UNC5C: variants seen among roughly 807,000 people sequenced by gnomAD.
UNC5C encodes unc-5 netrin receptor C.
UNC5C carries 47 observed loss-of-function variants against 99.8 expected under a neutral mutation model. That is an observed-to-expected ratio of 0.47 (90% confidence interval 0.37 to 0.60). UNC5C has a LOEUF of 0.60. UNC5C is among the 20% of genes least tolerant of loss of function. The pLI, the probability that UNC5C is intolerant of heterozygous loss-of-function variation, is 0.00. For synonymous variants in UNC5C, 487 were observed against 452.2 expected (o/e 1.08, Z -0.98); for missense variants, 1,062 against 1,165.9 (o/e 0.91, Z 1.30).
At chr4:95,293,956 A>T (rs947274875) in intron 3 of UNC5C, among the ~76,000 whole-genome samples, 2 of 152,196 alleles carry the variant, frequency 1.3e-5, no homozygotes, top group African/African-American at 4.8e-5. Context: ...GTCCAATGCA[A>T]ACCACATGAG....
intron 1 of UNC5C, among the ~76,000 whole-genome samples, chr4:95,444,593 A>T (rs564057096): frequency 6.6e-6 from 1 of 152,236 alleles, no homozygotes; most frequent in African/African-American, 2.4e-5. Flanking sequence ...AACCTCCCAA[A>T]GTGCTGGGAT....
At chr4:95,469,812 G>T (rs1176046815) in intron 1 of UNC5C, among the ~76,000 whole-genome samples, 1 of 152,032 alleles carries the variant, frequency 6.6e-6, no homozygotes, top group African/African-American at 2.4e-5. Flanking sequence ...ATAAACATGT[G>T]GGAACCCAGA....
intron 1 of UNC5C, among the ~76,000 whole-genome samples, chr4:95,492,910 C>T (rs1721539010): frequency 6.6e-6 from 1 of 151,428 alleles, no homozygotes; most frequent in African/African-American, 2.4e-5. Flanking sequence ...ATTTGGATAG[C>T]TAGGCATATA....
chr4:95,418,070 G>A (rs1746219730), intron 1 of UNC5C, among the ~76,000 whole-genome samples: 1 of 152,154 alleles, frequency 6.6e-6, no homozygotes, highest in African/African-American at 2.4e-5. Flanking sequence ...TGTGATAGTA[G>A]GTTAGCGAAT....
At chr4:95,336,895 T>C (rs1351126759) in intron 1 of UNC5C, among the ~76,000 whole-genome samples, 6 of 151,962 alleles carry the variant, frequency 3.9e-5, no homozygotes, top group Non-Finnish European at 7.4e-5. Flanking sequence ...TTGTTGAACA[T>C]CAAGGACCAA....
In UNC5C at chr4:95,548,896, G is replaced by C. The variant is rs770506285; in HGVS notation, c.-39C>G. On this transcript the variant is annotated 5_prime_UTR_variant, in exon 1 of 16. Transcript: ENST00000453304. ...GTGCCGGGGGGAGGGGAGGGGGACA[G>C]AGAGACGCGCAAACAGCTGAAAGCC... The C allele has an allele frequency of 3.7e-6, 6 of 1,609,384 alleles. No individual in the cohort carries two copies. In the South Asian group the frequency reaches 5.5e-5, roughly 15 times the overall value.
chr4:95,521,820 G>A (rs1292690800), intron 1 of UNC5C, among the ~76,000 whole-genome samples: 4 of 152,068 alleles, frequency 2.6e-5, no homozygotes, highest in Non-Finnish European at 4.4e-5. Flanking sequence ...ATATATCACA[G>A]AATGCAAGGG....
intron 1 of UNC5C, among the ~76,000 whole-genome samples, chr4:95,409,981 C>T (rs1321192163): frequency 6.6e-6 from 1 of 152,170 alleles, no homozygotes; most frequent in East Asian, 1.9e-4. Context: ...ACCCAATCTC[C>T]CAGTGGGCTG....
chr4:95,356,193 C>CAAAAAAAAAAAAAAAAAAAAAAAA (rs59097041), intron 1 of UNC5C, among the ~76,000 whole-genome samples: 1 of 57,996 alleles, frequency 1.7e-5, no homozygotes, highest in Admixed American at 1.6e-4. Context: ...GACCCTGTAG[C>CAAAAAAAAAAAAAAAAAAAAAAAA]AAAAAAAAAA....
chr4:95,364,591 G>A (rs1323749317), intron 1 of UNC5C, among the ~76,000 whole-genome samples: 1 of 152,152 alleles, frequency 6.6e-6, no homozygotes, highest in Non-Finnish European at 1.5e-5. Flanking sequence ...GAGAAGGCAG[G>A]GGAGCTCAGT....
chr4:95,287,732 C>T (rs1288604517), intron 3 of UNC5C, among the ~76,000 whole-genome samples: 2 of 152,232 alleles, frequency 1.3e-5, no homozygotes, highest in African/African-American at 4.8e-5. Context: ...CTAGAGTTCA[C>T]TGCACAGAAA....
chr4:95,349,162 G>A (rs554195363), intron 1 of UNC5C, among the ~76,000 whole-genome samples: 4 of 151,282 alleles, frequency 2.6e-5, no homozygotes, highest in African/African-American at 4.8e-5. Context: ...ATGAATGCTC[G>A]AGGTAAGGAA....
intron 1 of UNC5C, among the ~76,000 whole-genome samples, chr4:95,514,715 C>G (rs1209910584): frequency 6.6e-6 from 1 of 150,924 alleles, no homozygotes; most frequent in African/African-American, 2.4e-5. Context: ...CTCTGTCATC[C>G]AGGCTGGTGT....
intron 1 of UNC5C, among the ~76,000 whole-genome samples, chr4:95,428,976 G>A (rs1161715138): frequency 6.6e-6 from 1 of 151,706 alleles, no homozygotes; most frequent in African/African-American, 2.4e-5. Context: ...TTCTTTCATG[G>A]GCTGACTTTC....
At chr4:95,245,746 T>A (rs1400580931) in intron 5 of UNC5C, among the ~76,000 whole-genome samples, 1 of 152,214 alleles carries the variant, frequency 6.6e-6, no homozygotes. Context: ...ACTTACTTTG[T>A]GTATAAAGGC....
intron 4 of UNC5C, among the ~76,000 whole-genome samples, chr4:95,259,620 AG>A (rs1382680562): frequency 6.6e-6 from 1 of 152,200 alleles, no homozygotes; most frequent in African/African-American, 2.4e-5. Flanking sequence ...ATAATTCTAG[AG>A]ATGTCATTAG....
intron 5 of UNC5C, chr4:95,248,115 A>G (rs1739567386): frequency 6.4e-6 from 1 of 155,956 alleles, no homozygotes; most frequent in South Asian, 1.9e-4. Flanking sequence ...CACTACATTC[A>G]TCCTTTGGAA....
At chr4:95,429,130 A>T (rs1560829552) in intron 1 of UNC5C, among the ~76,000 whole-genome samples, 1 of 152,136 alleles carries the variant, frequency 6.6e-6, no homozygotes, top group South Asian at 2.1e-4. Context: ...AAATTTGCTA[A>T]TCAAGGCCTC....
intron 1 of UNC5C, among the ~76,000 whole-genome samples, chr4:95,435,976 C>T (rs1465561883): frequency 3.3e-5 from 5 of 152,066 alleles, no homozygotes; most frequent in Middle Eastern, 3.4e-3. Flanking sequence ...ATTTAAGGAA[C>T]ATTTATGTCA....
Sources: allele counts gnomAD v4.1 joint callset (sites outside exome capture counted in the v4.1 genomes callset), GRCh38; gene constraint gnomAD v4.1.1; transcripts MANE v1.5; gene names NCBI Gene and HGNC (gene_info 2026-07-23, HGNC 2026-07-21).